The following GAREM1 variants were observed in gnomAD, a reference collection of about 807,000 sequenced individuals.
The protein encoded by GAREM1 is GRB2-associated and regulator of MAPK protein 1.
A neutral mutation model predicts 71.3 loss-of-function variants in GAREM1; 26 were observed. The observed-to-expected ratio is 0.36, with a 90% CI of 0.27 to 0.51. The LOEUF (loss-of-function observed/expected upper bound fraction) is 0.51. Ranked by LOEUF, GAREM1 falls within the 20% of genes least tolerant of loss-of-function variation. The pLI is 0.95. For missense variants in GAREM1, 1,026 were observed against 1,103.1 expected, an observed-to-expected ratio of 0.93 and a Z score of 0.99; for synonymous variants, 440 against 433.2, an observed-to-expected ratio of 1.02 and a Z score of -0.20.
At chr18:32,426,532 CAGTTTCCATTT>C (rs1441230456) in intron 1 of GAREM1, among the ~76,000 whole-genome samples, 1 of 152,206 alleles carries the variant, frequency 6.6e-6, no homozygotes, top group African/African-American at 2.4e-5. Context: ...TCTGTTCTTT[CAGTTTCCATTT>C]TCTACTTCAT....
intron 2 of GAREM1, among the ~76,000 whole-genome samples, chr18:32,333,754 C>T (rs2047560479): frequency 6.6e-6 from 1 of 152,208 alleles, no homozygotes; most frequent in South Asian, 2.1e-4. Context: ...CCTGGGCTGA[C>T]AATGACGCTC....
chr18:32,364,162 G>C (rs1394471663), intron 2 of GAREM1, among the ~76,000 whole-genome samples: 1 of 147,888 alleles, frequency 6.8e-6, no homozygotes, highest in Non-Finnish European at 1.5e-5. Context: ...AGCCTCCTCA[G>C]TAGCTGGGAT....
At chr18:32,291,710 T>TA (rs1417251367) in intron 3 of GAREM1, among the ~76,000 whole-genome samples, 5 of 151,910 alleles carry the variant, frequency 3.3e-5, no homozygotes, top group Non-Finnish European at 7.4e-5. Flanking sequence ...ATCTCATTGT[T>TA]AACTCCCACT....
chr18:32,279,838 A>T (rs896997144), intron 4 of GAREM1, among the ~76,000 whole-genome samples: 6 of 152,190 alleles, frequency 3.9e-5, no homozygotes, highest in African/African-American at 1.4e-4. Context: ...TTTTCAATAG[A>T]CACAGAAGAA....
intron 2 of GAREM1, among the ~76,000 whole-genome samples, chr18:32,330,168 A>T (rs1344623348): frequency 6.6e-6 from 1 of 152,236 alleles, no homozygotes; most frequent in Non-Finnish European, 1.5e-5. Context: ...ACAGAATACT[A>T]CACAGCCATA....
intron 2 of GAREM1, among the ~76,000 whole-genome samples, chr18:32,359,931 TATAA>T (rs146487300): frequency 6.8e-4 from 102 of 149,882 alleles, no homozygotes; most frequent in African/African-American, 2.3e-3. Flanking sequence ...GTCTCTTAAA[TATAA>T]ATAAATAAAT....
chr18:32,450,280 T>C (rs572375399), intron 1 of GAREM1, among the ~76,000 whole-genome samples: 2 of 152,346 alleles, frequency 1.3e-5, no homozygotes, highest in South Asian at 4.1e-4. Flanking sequence ...GAAATCCTAC[T>C]GCAAAATCTA....
chr18:32,364,023 TATA>T (rs2047901412), intron 2 of GAREM1, among the ~76,000 whole-genome samples: 6 of 70,826 alleles, frequency 8.5e-5, no homozygotes, highest in African/African-American at 4.2e-4. Flanking sequence ...TATATATATA[TATA>T]TGTTTTTTTT....
In GAREM1 at chr18:32,470,584, C is replaced by G; in HGVS notation, c.-156G>C. The G allele has an allele frequency of 2.8e-6, 1 of 353,020 alleles. No individual in the cohort carries two copies. 21.9% of individuals were successfully genotyped at this position (353,020 alleles called of 1,614,324 possible). On this transcript the variant is annotated 5_prime_UTR_variant, in exon 1 of 6. Transcript: ENST00000269209. The surrounding 1 kb of genome is among the most constrained non-coding windows in gnomAD (Gnocchi z 4.4). ...AGCCGGGGGGGCGCGGCGACTGGGG[C>G]GGCCCGGAGGGAGGGGGCCGGCGCC...
At chr18:32,422,269 T>C (rs1357591374) in intron 1 of GAREM1, among the ~76,000 whole-genome samples, 1 of 152,178 alleles carries the variant, frequency 6.6e-6, no homozygotes, top group Non-Finnish European at 1.5e-5. Flanking sequence ...CATAGTTTGC[T>C]GAGAATGATG....
At chr18:32,271,049 G>A (rs1402003741) in intron 4 of GAREM1, among the ~76,000 whole-genome samples, 1 of 151,820 alleles carries the variant, frequency 6.6e-6, no homozygotes, top group African/African-American at 2.4e-5. Context: ...GGGACCACAG[G>A]TGTGCGCCAG....
chr18:32,322,211 T>G (rs1158473238), intron 2 of GAREM1, among the ~76,000 whole-genome samples: 6 of 152,190 alleles, frequency 3.9e-5, no homozygotes, highest in African/African-American at 1.4e-4. Flanking sequence ...CTAAAAGGCA[T>G]GACAGTCTGC....
At chr18:32,339,722 T>C (rs2047631168) in intron 2 of GAREM1, among the ~76,000 whole-genome samples, 1 of 152,240 alleles carries the variant, frequency 6.6e-6, no homozygotes, top group African/African-American at 2.4e-5. Context: ...CTAAATCTGA[T>C]CTTCACTCTC....
chr18:32,421,748 T>G (rs1006142517), intron 1 of GAREM1, among the ~76,000 whole-genome samples: 3 of 152,140 alleles, frequency 2.0e-5, no homozygotes, highest in Admixed American at 6.6e-5. Flanking sequence ...GAGAGTCTCC[T>G]CTGTCATATT....
At chr18:32,304,605 A>G (rs1043550115) in intron 3 of GAREM1, among the ~76,000 whole-genome samples, 2 of 152,236 alleles carry the variant, frequency 1.3e-5, no homozygotes, top group Admixed American at 1.3e-4. Context: ...ATTTACAAAA[A>G]CAGGCAGCTT....
At position 32,287,394 on chromosome 18, in the gene GAREM1, C is replaced by T; in HGVS notation, c.1203G>A (p.Val401=). 1 of 1,614,220 alleles carries T rather than the reference C, an allele frequency of 6.2e-7. No homozygotes were observed. The highest frequency in any genetic ancestry group is 8.5e-7 in the Non-Finnish European group (1 of 1,180,034). ...CCAGGTCCCTGCAACCATGAAGGTT[C>T]ACCTCACTGTTGCCATGGAGATTGT... The part of the protein sequence containing the change: ...YGNNLHGNSE[V]NLHGCRDLGG... The change falls in exon 4 of 6, where the codon GTG becomes GTA. Residue 401 remains valine (V), a synonymous_variant. Coordinates refer to ENST00000269209, the MANE Select transcript of GAREM1 (RefSeq NM_001242409.2). The surrounding 1 kb of genome is among the most constrained non-coding windows in gnomAD (Gnocchi z 5.9).
chr18:32,315,481 G>A (rs144424714), intron 2 of GAREM1, among the ~76,000 whole-genome samples: 347 of 143,624 alleles, frequency 2.4e-3, no homozygotes, highest in African/African-American at 8.4e-3. Context: ...TATAAAAGTA[G>A]ATATATATAA....
intron 3 of GAREM1, among the ~76,000 whole-genome samples, chr18:32,298,224 T>C (rs763193142): frequency 3.9e-5 from 6 of 152,200 alleles, no homozygotes; most frequent in African/African-American, 9.6e-5. Flanking sequence ...AACTCTGAAG[T>C]CATTATTAAT....
At chr18:32,346,931 C>T (rs1051847968) in intron 2 of GAREM1, among the ~76,000 whole-genome samples, 1 of 152,054 alleles carries the variant, frequency 6.6e-6, no homozygotes. Context: ...AGAGAGGAGA[C>T]GCTGTGTCGG....
Sources: allele counts gnomAD v4.1 joint callset (sites outside exome capture counted in the v4.1 genomes callset), GRCh38; gene constraint gnomAD v4.1.1; non-coding constraint Gnocchi (gnomAD v3.1); transcripts MANE v1.5; gene names NCBI Gene and HGNC (gene_info 2026-07-23, HGNC 2026-07-21).